IQCM: variants seen among roughly 807,000 people sequenced by gnomAD.
IQCM encodes IQ motif containing M, also known as IQ domain-containing protein M.
A neutral mutation model predicts 57.6 loss-of-function variants in IQCM; 45 were observed. That is an observed-to-expected ratio of 0.78 (90% confidence interval 0.62 to 1.00). The LOEUF (loss-of-function observed/expected upper bound fraction) is 1.00, where lower values mean the gene tolerates loss of function less well. Ranked by LOEUF, IQCM falls within the 50% of genes least tolerant of loss-of-function variation. The pLI is 0.00. For synonymous variants in IQCM, 148 were observed against 158.9 expected (o/e 0.93, Z 0.51); for missense variants, 468 against 511.6 (o/e 0.91, Z 0.82).
chr4:149,614,197 C>T (rs186818980), intron 8 of IQCM, among the ~76,000 whole-genome samples: 1 of 152,196 alleles, frequency 6.6e-6, no homozygotes, highest in Admixed American at 6.5e-5. Flanking sequence ...TCTTTGAAAA[C>T]AATTTTTAAT....
At chr4:149,699,764 G>T (rs1434545708) in intron 5 of IQCM, among the ~76,000 whole-genome samples, 5 of 149,946 alleles carry the variant, frequency 3.3e-5, no homozygotes, top group Admixed American at 6.7e-5. Context: ...AGATTTAGAG[G>T]CACCTCCCCT....
At chr4:149,475,784 T>C (rs900706165) in intron 12 of IQCM, among the ~76,000 whole-genome samples, 1 of 152,148 alleles carries the variant, frequency 6.6e-6, no homozygotes, top group Admixed American at 6.6e-5. Flanking sequence ...CTTTGGGATA[T>C]CATGCTGATA....
chr4:149,526,405 T>G (rs969361340), intron 12 of IQCM, among the ~76,000 whole-genome samples: 1 of 152,030 alleles, frequency 6.6e-6, no homozygotes, highest in Non-Finnish European at 1.5e-5. Context: ...TATGCATATA[T>G]AAGCAAGAAG....
At chr4:149,521,541 A>T (rs769688577) in intron 12 of IQCM, among the ~76,000 whole-genome samples, 18 of 152,198 alleles carry the variant, frequency 1.2e-4, no homozygotes, top group Admixed American at 7.9e-4. Context: ...CAGATGTTTT[A>T]TGTCAAAATG....
intron 2 of IQCM, among the ~76,000 whole-genome samples, chr4:149,751,817 G>A (rs2149936838): frequency 6.6e-6 from 1 of 152,168 alleles, no homozygotes; most frequent in South Asian, 2.1e-4. Context: ...GAGAAATAGG[G>A]CAAGCAGCAG....
chr4:149,787,375 T>C (rs1485754392), intron 2 of IQCM, among the ~76,000 whole-genome samples: 3 of 151,584 alleles, frequency 2.0e-5, no homozygotes, highest in African/African-American at 7.3e-5. Context: ...AAAACTTATA[T>C]AGAAACAAAA....
At chr4:149,368,805 C>T (rs1206036438) in intron 13 of IQCM, among the ~76,000 whole-genome samples, 2 of 107,938 alleles carry the variant, frequency 1.9e-5, no homozygotes, top group Non-Finnish European at 3.7e-5. Context: ...CATATATATA[C>T]ATGTATATAT....
intron 12 of IQCM, among the ~76,000 whole-genome samples, chr4:149,456,393 T>C (rs1429247096): frequency 3.3e-5 from 5 of 152,102 alleles, no homozygotes; most frequent in Non-Finnish European, 7.4e-5. Flanking sequence ...TTTGGAATAT[T>C]TGCATATACA....
intron 9 of IQCM, among the ~76,000 whole-genome samples, chr4:149,574,060 C>A (rs2149967036): frequency 6.6e-6 from 1 of 151,914 alleles, no homozygotes. Context: ...TACAGACAGA[C>A]TATTACAGAA....
intron 7 of IQCM, among the ~76,000 whole-genome samples, chr4:149,655,091 A>G (rs1759522257): frequency 6.6e-6 from 1 of 152,162 alleles, no homozygotes; most frequent in Non-Finnish European, 1.5e-5. Flanking sequence ...GCTTTAGGAT[A>G]TATACATGAA....
chr4:149,604,292 A>C (rs754904543), intron 8 of IQCM, among the ~76,000 whole-genome samples: 1 of 152,270 alleles, frequency 6.6e-6, no homozygotes, highest in African/African-American at 2.4e-5. Flanking sequence ...AAGAGTTTCA[A>C]ATAAAGGATT....
chr4:149,792,477 G>T (rs1199353615), intron 2 of IQCM, among the ~76,000 whole-genome samples: 1 of 152,010 alleles, frequency 6.6e-6, no homozygotes, highest in Admixed American at 6.6e-5. Context: ...AATTTAAAGG[G>T]TCATGTTATT....
chr4:149,361,045 G>T (rs1277533144), intron 13 of IQCM, among the ~76,000 whole-genome samples: 4 of 152,198 alleles, frequency 2.6e-5, no homozygotes, highest in African/African-American at 7.2e-5. Flanking sequence ...AGATGGAGAT[G>T]AGGAAGCTGT....
intron 12 of IQCM, among the ~76,000 whole-genome samples, chr4:149,485,179 G>C (rs1404472917): frequency 6.6e-6 from 1 of 151,854 alleles, no homozygotes; most frequent in Non-Finnish European, 1.5e-5. Flanking sequence ...CAAACTCCTA[G>C]AGTTAGTCTT....
chr4:149,361,187 C>A (rs901304100), intron 13 of IQCM, among the ~76,000 whole-genome samples: 3 of 152,150 alleles, frequency 2.0e-5, no homozygotes, highest in African/African-American at 4.8e-5. Flanking sequence ...GAAGAAATTT[C>A]TAAGCTGCAA....
chr4:149,693,332 T>A (rs1763084178), intron 5 of IQCM, among the ~76,000 whole-genome samples: 1 of 152,196 alleles, frequency 6.6e-6, no homozygotes, highest in African/African-American at 2.4e-5. Flanking sequence ...CACAAATCCA[T>A]ATATCTTGCT....
rs541385965 is a variant in IQCM, at chr4:149,668,515, G to A, written c.565+13603C>T. 2.0e-4 allele frequency among the ~76,000 whole-genome samples: 30 copies of A among 152,142 alleles called. 1 individual carries two copies. Among genetic ancestry groups the A allele is most frequent in the South Asian group, 1.0e-3 (5 of 4,816 alleles). ...CATCAACATTGCCTCTCAGGGCAGCGGGGGGCAAGGGGAGGGATAACGTTA... is the reference window on the plus strand; with the variant it reads ...CATCAACATTGCCTCTCAGGGCAGCAGGGGGCAAGGGGAGGGATAACGTTA... On this transcript the variant is annotated intron_variant, in intron 7 of 13. Coordinates refer to ENST00000636793, the MANE Select transcript of IQCM (RefSeq NM_001363507.2).
intron 12 of IQCM, among the ~76,000 whole-genome samples, chr4:149,485,560 T>G (rs1315057157): frequency 6.6e-6 from 1 of 151,946 alleles, no homozygotes; most frequent in Non-Finnish European, 1.5e-5. Flanking sequence ...TGTTTGATTC[T>G]TTTAGGTTAT....
intron 12 of IQCM, among the ~76,000 whole-genome samples, chr4:149,491,525 C>T (rs1039550954): frequency 2.6e-5 from 4 of 152,120 alleles, no homozygotes; most frequent in South Asian, 2.1e-4. Flanking sequence ...TGTTTTTCTG[C>T]GCCTGGTTTA....
Sources: allele counts gnomAD v4.1 joint callset (sites outside exome capture counted in the v4.1 genomes callset), GRCh38; gene constraint gnomAD v4.1.1; transcripts MANE v1.5; gene names NCBI Gene and HGNC (gene_info 2026-07-23, HGNC 2026-07-21).